REEP1: variants seen among roughly 807,000 people sequenced by gnomAD.
The protein encoded by REEP1 is receptor accessory protein 1.
REEP1 carries 22 observed loss-of-function variants against 40.3 expected under a neutral mutation model. The ratio of observed to expected loss-of-function variants is 0.55; its 90% CI spans 0.39 to 0.78. The LOEUF is 0.78. Among genes scored for constraint, REEP1 ranks in the 30% least tolerant of loss-of-function variants. The probability of loss-of-function intolerance (pLI) is 0.00; values close to 1 mark genes in which losing one functional copy is unlikely to be tolerated. For missense variants in REEP1, 280 were observed against 361.1 expected (o/e 0.78, Z 1.82); for synonymous variants, 116 against 139.2 (o/e 0.83, Z 1.17).
chr2:86,308,291 G>T (rs573506161), intron 1 of REEP1, among the ~76,000 whole-genome samples: 1 of 152,224 alleles, frequency 6.6e-6, no homozygotes, highest in Non-Finnish European at 1.5e-5. Flanking sequence ...TTTGATGTGT[G>T]AATGGCACTT....
At chr2:86,266,551 G>A (rs962058966) in intron 2 of REEP1, among the ~76,000 whole-genome samples, 120 of 151,180 alleles carry the variant, frequency 7.9e-4, no homozygotes, top group African/African-American at 2.5e-3. Flanking sequence ...CCCGGGAAGC[G>A]GAGCTTGCAG....
chr2:86,225,107 G>A (rs930749786), intron 7 of REEP1, among the ~76,000 whole-genome samples: 16 of 152,186 alleles, frequency 1.1e-4, no homozygotes, highest in African/African-American at 3.4e-4. Flanking sequence ...TCTAGTGCCC[G>A]GTGCTGGAAA....
intron 5 of REEP1, among the ~76,000 whole-genome samples, chr2:86,242,541 G>A (rs1675720960): frequency 6.6e-6 from 1 of 151,860 alleles, no homozygotes; most frequent in Admixed American, 6.6e-5. Context: ...GAAGAGTGGG[G>A]AGGATTTCAA....
At chr2:86,234,579 T>G (rs1162765957) in intron 5 of REEP1, among the ~76,000 whole-genome samples, 3 of 152,118 alleles carry the variant, frequency 2.0e-5, no homozygotes, top group South Asian at 2.1e-4. Context: ...AAATATGAAC[T>G]AGATCTGTTC....
chr2:86,306,061 T>G (rs1019504138), intron 1 of REEP1, among the ~76,000 whole-genome samples: 1 of 152,236 alleles, frequency 6.6e-6, no homozygotes, highest in Non-Finnish European at 1.5e-5. Context: ...ATTTTAAAAC[T>G]GCCAAACTTT....
At chr2:86,335,539 A>G (rs1484802778) in intron 1 of REEP1, among the ~76,000 whole-genome samples, 1 of 151,970 alleles carries the variant, frequency 6.6e-6, no homozygotes, top group Non-Finnish European at 1.5e-5. Context: ...CTCCACCCCC[A>G]TCAGTTGCTC....
At chr2:86,230,252 C>T (rs1674937017) in intron 6 of REEP1, among the ~76,000 whole-genome samples, 1 of 152,244 alleles carries the variant, frequency 6.6e-6, no homozygotes, top group South Asian at 2.1e-4. Flanking sequence ...ACTCCAGGCC[C>T]AGAAGACACT....
At chr2:86,221,298 G>A (rs529125081) in intron 7 of REEP1, among the ~76,000 whole-genome samples, 82 of 152,310 alleles carry the variant, frequency 5.4e-4, no homozygotes, top group African/African-American at 1.9e-3. Context: ...AGCACAACAT[G>A]CAAAGCTGAA....
At chr2:86,311,241 C>T (rs914690954) in intron 1 of REEP1, among the ~76,000 whole-genome samples, 2 of 152,192 alleles carry the variant, frequency 1.3e-5, no homozygotes, top group Non-Finnish European at 2.9e-5. Flanking sequence ...GGAGCCTGCA[C>T]CAGTCCTGCC....
At chr2:86,283,409 T>C (rs538361826) in intron 1 of REEP1, among the ~76,000 whole-genome samples, 1 of 152,300 alleles carries the variant, frequency 6.6e-6, no homozygotes, top group East Asian at 1.9e-4. Context: ...CTATATGAGC[T>C]GACATCTCCT....
intron 5 of REEP1, chr2:86,251,227 G>C (rs996780673): frequency 6.5e-6 from 1 of 152,786 alleles, no homozygotes; most frequent in African/African-American, 2.4e-5. Context: ...TAACTTTTCA[G>C]ATCTACGTAA....
chr2:86,287,905 T>C (rs1204910865), intron 1 of REEP1, among the ~76,000 whole-genome samples: 1 of 152,246 alleles, frequency 6.6e-6, no homozygotes, highest in African/African-American at 2.4e-5. Flanking sequence ...CTTCTACAAA[T>C]GGAATCACAC....
chr2:86,224,813 T>G (rs1013899451), intron 7 of REEP1, among the ~76,000 whole-genome samples: 1 of 152,148 alleles, frequency 6.6e-6, no homozygotes, highest in Non-Finnish European at 1.5e-5. Context: ...TCTATTGAAA[T>G]GCACTGGAAA....
At chr2:86,299,398 T>A (rs990873491) in intron 1 of REEP1, among the ~76,000 whole-genome samples, 1 of 152,110 alleles carries the variant, frequency 6.6e-6, no homozygotes, top group African/African-American at 2.4e-5. Context: ...CAAAAACATC[T>A]CCAGACACCA....
intron 1 of REEP1, among the ~76,000 whole-genome samples, chr2:86,300,285 GC>G: frequency 6.6e-6 from 1 of 152,208 alleles, no homozygotes; most frequent in East Asian, 1.9e-4. Flanking sequence ...GACAGGTCCT[GC>G]CCTCCTTCCT....
At chr2:86,218,639 G>T (rs1309577071) in intron 8 of REEP1, among the ~76,000 whole-genome samples, 1 of 152,212 alleles carries the variant, frequency 6.6e-6, no homozygotes, top group African/African-American at 2.4e-5. Flanking sequence ...TTGGGCCTTA[G>T]AATTCTTTAG....
chr2:86,277,203 G>A (rs1195684134), intron 2 of REEP1, among the ~76,000 whole-genome samples: 4 of 152,162 alleles, frequency 2.6e-5, no homozygotes, highest in African/African-American at 9.7e-5. Context: ...AGAAAGAAGA[G>A]CAGATGGAAG....
intron 2 of REEP1, chr2:86,280,113 G>C (rs1677991584): frequency 2.2e-6 from 1 of 449,468 alleles, no homozygotes; most frequent in Admixed American, 2.4e-5. Context: ...GAAACTCGCA[G>C]GTTTCTCTCT....
At chr2:86,328,696 AG>A (rs1249841119) in intron 1 of REEP1, among the ~76,000 whole-genome samples, 4 of 152,108 alleles carry the variant, frequency 2.6e-5, no homozygotes. Flanking sequence ...AAAAAAAGAA[AG>A]TGAGACAGGA....
Sources: gnomAD v4.1 joint callset for allele counts (sites outside exome capture counted in the v4.1 genomes callset) on GRCh38, gnomAD v4.1.1 for gene constraint, MANE v1.5 for transcripts, NCBI Gene and HGNC (gene_info 2026-07-23, HGNC 2026-07-21) for gene names.